Variants in PAQR5 observed in about 807,000 individuals in gnomAD.
PAQR5 encodes the protein progestin and adipoQ receptor family member 5.
Under a neutral mutation model 34.5 loss-of-function variants are expected in PAQR5, and 20 were observed. That is an observed-to-expected ratio of 0.58 (90% CI 0.41 to 0.84). PAQR5 has a LOEUF of 0.84. PAQR5 is among the 40% of genes least tolerant of loss of function. The pLI is 0.00. For synonymous variants in PAQR5, 131 were observed against 155.6 expected, an observed-to-expected ratio of 0.84 and a Z score of 1.18; for missense variants, 378 against 412.7, an observed-to-expected ratio of 0.92 and a Z score of 0.73.
At chr15:69,335,028 G>A (rs1215164705) in intron 1 of PAQR5, among the ~76,000 whole-genome samples, 1 of 151,970 alleles carries the variant, frequency 6.6e-6, no homozygotes, top group Non-Finnish European at 1.5e-5. Flanking sequence ...TTCAAGACCA[G>A]CCTGGCCAAC....
intron 1 of PAQR5, among the ~76,000 whole-genome samples, chr15:69,333,514 G>A (rs2054438311): frequency 6.6e-6 from 1 of 152,106 alleles, no homozygotes; most frequent in Admixed American, 6.6e-5. Context: ...AAGATAAGGA[G>A]GCGTCCCCAC....
At chr15:69,360,336 A>C (rs1017740834) in intron 3 of PAQR5, among the ~76,000 whole-genome samples, 3 of 152,194 alleles carry the variant, frequency 2.0e-5, no homozygotes, top group African/African-American at 7.2e-5. Context: ...AAGTTGTTTA[A>C]GTTGTAACCC....
intron 2 of PAQR5, among the ~76,000 whole-genome samples, chr15:69,344,348 A>G (rs1489497540): frequency 6.6e-6 from 1 of 152,194 alleles, no homozygotes; most frequent in African/African-American, 2.4e-5. Context: ...AAACCTTCTC[A>G]CTAATTCGCA....
At position 69,354,689 on chromosome 15, in the gene PAQR5, A is replaced by G. The variant is rs535006979; in HGVS notation, c.-115-5277A>G. Reference sequence around the variant, plus strand: ...TAATTTTAGGTGTCCACTTGACTGGATTAGGGAATACCTAGAGAACTGCTA... The same window carrying G: ...TAATTTTAGGTGTCCACTTGACTGGGTTAGGGAATACCTAGAGAACTGCTA... On this transcript the variant is annotated intron_variant, in intron 2 of 8. Coordinates refer to ENST00000395407, the MANE Select transcript of PAQR5 (RefSeq NM_017705.4). 4.6e-5 allele frequency among the ~76,000 whole-genome samples: 7 copies of G among 152,266 alleles called. No individual in the cohort carries two copies. In the East Asian group the frequency reaches 1.4e-3, roughly 29 times the overall value.
At chr15:69,333,287 G>A (rs1056011080) in intron 1 of PAQR5, among the ~76,000 whole-genome samples, 1 of 152,172 alleles carries the variant, frequency 6.6e-6, no homozygotes, top group African/African-American at 2.4e-5. Context: ...ATTAAAAGCG[G>A]ATAGATCCCT....
chr15:69,336,142 T>A (rs987349128), intron 1 of PAQR5, among the ~76,000 whole-genome samples: 3 of 152,208 alleles, frequency 2.0e-5, no homozygotes, highest in Admixed American at 6.5e-5. Context: ...CTTTCTTTTT[T>A]AAAAAAATTT....
At chr15:69,367,547 G>A (rs571647195) in intron 3 of PAQR5, among the ~76,000 whole-genome samples, 127 of 152,272 alleles carry the variant, frequency 8.3e-4, no homozygotes, top group African/African-American at 2.8e-3. Context: ...CCTCTGCAAC[G>A]TGCAGCCTCC....
intron 2 of PAQR5, among the ~76,000 whole-genome samples, chr15:69,338,168 T>G (rs1159036611): frequency 2.6e-5 from 4 of 152,204 alleles, no homozygotes. Flanking sequence ...CCCAGACGGA[T>G]GCATGTCTGG....
intron 2 of PAQR5, among the ~76,000 whole-genome samples, chr15:69,343,172 C>A (rs1339189777): frequency 6.6e-6 from 1 of 152,230 alleles, no homozygotes; most frequent in Non-Finnish European, 1.5e-5. Flanking sequence ...TCCTACCAAA[C>A]AGTGTTCTTT....
Position 69,404,153 on chromosome 15 carries a change from G to T in PAQR5, c.*331G>T. 1 of 209,680 alleles carries T rather than the reference G, an allele frequency of 4.8e-6. No homozygotes were observed. Among genetic ancestry groups the T allele is most frequent in the Non-Finnish European group, 9.5e-6 (1 of 105,188 alleles). The allele number at this position is 209,680 out of a possible 1,614,324, so 13.0% of individuals were successfully genotyped here. A position where few individuals can be genotyped will look rare whatever the true frequency, so the allele number is the denominator to read the frequency against. On this transcript the variant is annotated 3_prime_UTR_variant, in exon 9 of 9. Coordinates refer to ENST00000395407, the MANE Select transcript of PAQR5 (RefSeq NM_017705.4). ...ATTAAGCATATTACTCTGGAGCTTT[G>T]TATTATTCTTTAAAAATGAATCTTG...
intron 3 of PAQR5, among the ~76,000 whole-genome samples, chr15:69,366,699 A>G (rs2055412655): frequency 6.6e-6 from 1 of 152,196 alleles, no homozygotes; most frequent in South Asian, 2.1e-4. Context: ...GAAGTATTCC[A>G]TATTTGTCCA....
At chr15:69,382,819 T>TGC (rs1461945507) in intron 4 of PAQR5, 1 of 6,242 alleles carries the variant, frequency 1.6e-4, no homozygotes, top group African/African-American at 5.1e-4. Flanking sequence ...TATATATATA[T>TGC]ATATATATAT....
At chr15:69,380,092 G>C (rs1332929001) in intron 4 of PAQR5, 82 bp downstream of exon 4, 1 of 1,472,590 alleles carries the variant, frequency 6.8e-7, no homozygotes, top group East Asian at 2.3e-5. Flanking sequence ...CTAGTGTTGA[G>C]AGGGCTGAGA....
At chr15:69,334,088 C>T (rs371797217) in intron 1 of PAQR5, among the ~76,000 whole-genome samples, 9 of 152,042 alleles carry the variant, frequency 5.9e-5, no homozygotes, top group East Asian at 1.9e-4. Flanking sequence ...GAGGCAGTGG[C>T]GCAGTCTTGG....
chr15:69,300,937 C>CTCTTTCCCTCTT lies in PAQR5; in HGVS notation c.-277+1887_-277+1888insCCTCTTTCTTTC, dbSNP rs1160182676. On this transcript the variant is annotated intron_variant, in intron 1 of 8. Coordinates refer to ENST00000395407, the MANE Select transcript of PAQR5 (RefSeq NM_017705.4). ...CCTTTCTCTCTCTCTCTCTCTCTCT[C>CTCTTTCCCTCTT]TCTTTCTTTCCTTCTTTCTTTCTTT... Among the ~76,000 whole-genome samples the CTCTTTCCCTCTT allele has an allele frequency of 3.9e-4, 2 of 5,154 alleles. 1 individual carries two copies. Among genetic ancestry groups the CTCTTTCCCTCTT allele is most frequent in the Non-Finnish European group, 1.8e-3 (2 of 1,108 alleles). The allele number at this position is 5,154 out of a possible 152,430, so 3.4% of individuals were successfully genotyped here.
intron 1 of PAQR5, among the ~76,000 whole-genome samples, 158 bp downstream of exon 1, chr15:69,299,214 C>T (rs2053465200): frequency 6.6e-6 from 1 of 152,148 alleles, no homozygotes; most frequent in African/African-American, 2.4e-5. Context: ...TGTGCCGGGG[C>T]GGCCCTGATC....
chr15:69,403,775 G>A lies in PAQR5; in HGVS notation c.946G>A (p.Ala316Thr), dbSNP rs1360387354. 2.5e-6 allele frequency: 4 copies of A among 1,613,866 alleles called. No individual in the cohort carries two copies. In the East Asian group the frequency reaches 8.9e-5, roughly 36 times the overall value. ...CAGCAACATAATTTATTTCTCAGCTGCTCTGTATCGGATTCCCAAGCCAGA... is the reference window on the plus strand; with the variant it reads ...CAGCAACATAATTTATTTCTCAGCTACTCTGTATCGGATTCCCAAGCCAGA... Reference protein sequence around the residue: ...SLSNIIYFSAALYRIPKPELH... With the variant: ...SLSNIIYFSATLYRIPKPELH... The change falls in exon 9 of 9, where the codon GCT becomes ACT. Residue 316 changes from alanine to threonine, a missense_variant. Transcript: ENST00000395407.
intron 3 of PAQR5, among the ~76,000 whole-genome samples, chr15:69,367,711 T>C (rs1340385277): frequency 1.3e-5 from 2 of 152,166 alleles, no homozygotes; most frequent in Non-Finnish European, 2.9e-5. Flanking sequence ...AAACAGACTT[T>C]GAGAAAAAGA....
intron 3 of PAQR5, among the ~76,000 whole-genome samples, chr15:69,374,890 G>T (rs979044924): frequency 6.6e-6 from 1 of 152,066 alleles, no homozygotes; most frequent in African/African-American, 2.4e-5. Flanking sequence ...GTGACAGCAC[G>T]ATGCTGGGGT....
Sources: gnomAD v4.1 joint callset for allele counts (sites outside exome capture counted in the v4.1 genomes callset) on GRCh38, gnomAD v4.1.1 for gene constraint, MANE v1.5 for transcripts, NCBI Gene and HGNC (gene_info 2026-07-23, HGNC 2026-07-21) for gene names.